KAT6B: variants seen among roughly 807,000 people sequenced by gnomAD.
KAT6B encodes histone acetyltransferase KAT6B.
In KAT6B, 10 loss-of-function variants were observed where a neutral mutation model predicts 187.5. That is an observed-to-expected ratio of 0.05 (90% CI 0.03 to 0.09). The LOEUF (loss-of-function observed/expected upper bound fraction) is 0.09. KAT6B is among the 10% of genes least tolerant of loss of function. The pLI is 1.00. For synonymous variants in KAT6B, 861 were observed against 926.8 expected (o/e 0.93, Z 1.29); for missense variants, 1,952 against 2,558.9 (o/e 0.76, Z 5.12).
intron 13 of KAT6B, among the ~76,000 whole-genome samples, chr10:74,992,743 A>G (rs2133895564): frequency 6.6e-6 from 1 of 152,284 alleles, no homozygotes; most frequent in South Asian, 2.1e-4. Context: ...CTGCTTGCAG[A>G]GTAAGTCATT....
chr10:74,964,783 G>A (rs758354418), intron 4 of KAT6B, among the ~76,000 whole-genome samples: 4 of 152,128 alleles, frequency 2.6e-5, no homozygotes, highest in African/African-American at 4.8e-5. Flanking sequence ...GTGGCACACC[G>A]TTCGCTACTC....
intron 13 of KAT6B, among the ~76,000 whole-genome samples, chr10:74,991,612 G>T (rs947288484): frequency 6.6e-6 from 1 of 152,218 alleles, no homozygotes; most frequent in African/African-American, 2.4e-5. Context: ...AGGCAAAGTA[G>T]TGCTGAGGGT....
chr10:74,980,983 A>G (rs10824255), intron 10 of KAT6B, among the ~76,000 whole-genome samples: 19,645 of 152,232 alleles, frequency 0.13, 2,054 homozygotes, highest in African/African-American at 0.28. Context: ...CCTCATATGT[A>G]TGCAGATTGT....
intron 3 of KAT6B, among the ~76,000 whole-genome samples, chr10:74,860,843 C>T (rs537861121): frequency 1.3e-5 from 2 of 152,100 alleles, no homozygotes; most frequent in African/African-American, 4.8e-5. Flanking sequence ...ACCAAAAATA[C>T]AAAAATTAGC....
chr10:74,839,490 C>G (rs1420996050), intron 2 of KAT6B, among the ~76,000 whole-genome samples: 1 of 152,038 alleles, frequency 6.6e-6, no homozygotes, highest in Non-Finnish European at 1.5e-5. Flanking sequence ...CCTTGGCCTC[C>G]CAAAGTGCTG....
intron 3 of KAT6B, among the ~76,000 whole-genome samples, chr10:74,864,568 G>T (rs1412024550): frequency 6.6e-6 from 1 of 151,970 alleles, no homozygotes; most frequent in Non-Finnish European, 1.5e-5. Flanking sequence ...TGGAGACAGG[G>T]TCTTTCTCTG....
intron 11 of KAT6B, 111 bp from the exon 12 acceptor site, chr10:74,984,969 T>A: frequency 9.8e-7 from 1 of 1,023,030 alleles, no homozygotes; most frequent in South Asian, 1.4e-5. Context: ...ATCTCTCAGT[T>A]TAGGATTTGG....
chr10:74,950,285 A>G (rs563392186), intron 3 of KAT6B, among the ~76,000 whole-genome samples: 2 of 152,318 alleles, frequency 1.3e-5, no homozygotes, highest in Middle Eastern at 3.4e-3. Context: ...AAATGGCGAT[A>G]GACTTGTCGT....
intron 12 of KAT6B, among the ~76,000 whole-genome samples, chr10:74,987,715 G>A (rs1842899292): frequency 6.6e-6 from 1 of 152,216 alleles, no homozygotes; most frequent in African/African-American, 2.4e-5. Flanking sequence ...ATGTTAAGCT[G>A]CACGGAGGGG....
At chr10:75,026,222 A>G (rs533937846) in intron 17 of KAT6B, 71 of 152,162 alleles carry the variant, frequency 4.7e-4, no homozygotes, top group African/African-American at 1.7e-3. Flanking sequence ...TGCATAACAT[A>G]AAAATCAGTA....
At chr10:75,004,138 C>A (rs1226438692) in intron 13 of KAT6B, among the ~76,000 whole-genome samples, 1 of 151,760 alleles carries the variant, frequency 6.6e-6, no homozygotes, top group Admixed American at 6.6e-5. Flanking sequence ...TTTTGAAATC[C>A]ACTACTGGAC....
chr10:74,910,604 C>T, intron 3 of KAT6B, among the ~76,000 whole-genome samples: 1 of 147,438 alleles, frequency 6.8e-6, no homozygotes, highest in East Asian at 1.9e-4. Context: ...TTTCTTCTTT[C>T]ACATTTTTTC....
In KAT6B at chr10:75,029,311, C is replaced by T. The variant is rs758258030; in HGVS notation, c.4487C>T (p.Pro1496Leu). The T allele has an allele frequency of 1.2e-6, 2 of 1,614,102 alleles. No individual in the cohort carries two copies. Among genetic ancestry groups the T allele is most frequent in the Admixed American group, 1.7e-5 (1 of 60,014 alleles). Residue 1496 changes from proline to leucine, a missense_variant, in exon 18 of 18, where the codon CCT (proline) becomes CTT (leucine). Transcript: ENST00000287239. This position sits in a 1 kb window ranked among gnomAD's most constrained non-coding sequence, Gnocchi z 6.2. Reference protein sequence around the residue: ...NSEPKELAGDPEAVPESDEEP... With the variant: ...NSEPKELAGDLEAVPESDEEP... ...GAGCCCAAGGAGCTTGCTGGGGACC[C>T]TGAAGCTGTACCCGAATCTGACGAG... is the stretch of plus-strand genomic sequence containing the variant.
intron 4 of KAT6B, among the ~76,000 whole-genome samples, chr10:74,968,460 A>C (rs1233333655): frequency 1.3e-5 from 2 of 152,144 alleles, no homozygotes; most frequent in East Asian, 3.9e-4. Context: ...TTTTACTTCA[A>C]AAAGCCAAAT....
Position 75,032,514 on chromosome 10 carries a change from AAATT to A in KAT6B, c.*1473_*1476del, listed in dbSNP as rs761768765. The A allele has an allele frequency of 1.1e-5, 2 of 182,012 alleles. No homozygotes were observed. The highest frequency in any genetic ancestry group is 2.3e-5 in the Non-Finnish European group (2 of 85,330). 11.3% of individuals were successfully genotyped at this position (182,012 alleles called of 1,614,324 possible). A position where few individuals can be genotyped will look rare whatever the true frequency, so the allele number is the denominator to read the frequency against. On this transcript the variant is annotated 3_prime_UTR_variant, in exon 18 of 18. Transcript: ENST00000287239. ...CACATATACCAAATACCTATTTAAT[AAATT>A]AATTTATAATGGATTTTAATGCTTT...
intron 1 of KAT6B, among the ~76,000 whole-genome samples, chr10:74,827,507 A>C (rs2131888179): frequency 6.6e-6 from 1 of 152,090 alleles, no homozygotes; most frequent in South Asian, 2.1e-4. Flanking sequence ...GCTTTGGGGT[A>C]TGAAGTATTT....
intron 3 of KAT6B, among the ~76,000 whole-genome samples, chr10:74,861,159 G>A (rs975052274): frequency 2.0e-4 from 30 of 151,462 alleles, no homozygotes; most frequent in Non-Finnish European, 4.1e-4. Context: ...AACATTAGCC[G>A]GGTGTGGTGA....
At chr10:74,959,482 A>G (rs1375161076) in intron 3 of KAT6B, among the ~76,000 whole-genome samples, 1 of 152,238 alleles carries the variant, frequency 6.6e-6, no homozygotes, top group Non-Finnish European at 1.5e-5. Flanking sequence ...TGAGTCATAC[A>G]TTATACTGAA....
rs11001251 is a variant in KAT6B at position 75,023,548 on chromosome 10, T to G, written c.3372+1317T>G. 2.2e-4 allele frequency: 34 copies of G among 152,342 alleles called. No homozygotes were observed. The East Asian group carries it at 6.6e-3, about 29-fold the overall frequency. 9.4% of individuals were successfully genotyped at this position (152,342 alleles called of 1,614,324 possible). ...CTGGACTCAACCTGAAGAAAACCAGTTCTCTACCTTGGCTTCCCTCATATT... is the reference window on the plus strand; with the variant it reads ...CTGGACTCAACCTGAAGAAAACCAGGTCTCTACCTTGGCTTCCCTCATATT... On this transcript the variant is annotated intron_variant, in intron 16 of 17. Coordinates refer to ENST00000287239, the MANE Select transcript of KAT6B (RefSeq NM_012330.4).
Sources: allele counts gnomAD v4.1 joint callset (sites outside exome capture counted in the v4.1 genomes callset), GRCh38; gene constraint gnomAD v4.1.1; non-coding constraint Gnocchi (gnomAD v3.1); transcripts MANE v1.5; gene names NCBI Gene and HGNC (gene_info 2026-07-23, HGNC 2026-07-21).